Variants in XKR4 observed in about 807,000 individuals in gnomAD.
XKR4 encodes the protein XK-related protein 4.
In XKR4, 12 loss-of-function variants were observed where a neutral mutation model predicts 53.9. That is an observed-to-expected ratio of 0.22 (90% CI 0.14 to 0.36). XKR4 has a LOEUF of 0.36. Among genes scored for constraint, XKR4 ranks in the 10% least tolerant of loss-of-function variants. The pLI is 1.00. For missense variants in XKR4, 799 were observed against 859.5 expected, an observed-to-expected ratio of 0.93 and a Z score of 0.88; for synonymous variants, 354 against 362.4, an observed-to-expected ratio of 0.98 and a Z score of 0.26.
chr8:55,470,260 G>A (rs576475296), intron 2 of XKR4, among the ~76,000 whole-genome samples: 84 of 152,196 alleles, frequency 5.5e-4, no homozygotes, highest in Admixed American at 4.3e-3. Context: ...TACAAGACGA[G>A]GTGATATGGT....
chr8:55,214,505 C>CT (rs1395315854), intron 1 of XKR4, among the ~76,000 whole-genome samples: 2 of 152,126 alleles, frequency 1.3e-5, no homozygotes, highest in Non-Finnish European at 2.9e-5. Context: ...TTAATTTGTC[C>CT]TGAATGTCCA....
At chr8:55,228,676 G>A (rs1442571621) in intron 1 of XKR4, among the ~76,000 whole-genome samples, 1 of 152,102 alleles carries the variant, frequency 6.6e-6, no homozygotes, top group African/African-American at 2.4e-5. Context: ...ACCTTCACCC[G>A]CTTCTACAAA....
In XKR4 at chr8:55,536,735, C is replaced by T. The variant is rs1337461008; in HGVS notation, c.*12508C>T. 6.6e-6 allele frequency: 1 copy of T among 152,230 alleles called. No individual in the cohort carries two copies. Among genetic ancestry groups the T allele is most frequent in the Non-Finnish European group, 1.5e-5 (1 of 68,040 alleles). The allele number at this position is 152,230 out of a possible 1,614,324, so 9.4% of individuals were successfully genotyped here. A position where few individuals can be genotyped will look rare whatever the true frequency, so the allele number is the denominator to read the frequency against. ...ATGTTATTTAATTTTTATTTACTTTCAGCAAACACATGAATGAAAGAGGTC... is the reference window on the plus strand; with the variant it reads ...ATGTTATTTAATTTTTATTTACTTTTAGCAAACACATGAATGAAAGAGGTC... On this transcript the variant is annotated 3_prime_UTR_variant, in exon 3 of 3. Transcript: ENST00000327381.
At chr8:55,454,592 C>G in intron 2 of XKR4, 1 of 1,406,904 alleles carries the variant, frequency 7.1e-7, no homozygotes, top group Non-Finnish European at 9.8e-7. Flanking sequence ...ACCTGCCGGT[C>G]ACCAGCCCCC....
At chr8:55,455,766 AT>A in intron 2 of XKR4, among the ~76,000 whole-genome samples, 1 of 152,216 alleles carries the variant, frequency 6.6e-6, no homozygotes, top group East Asian at 1.9e-4. Context: ...AAGTAAGGCC[AT>A]GGCAGACTTG....
intron 2 of XKR4, among the ~76,000 whole-genome samples, chr8:55,399,287 G>T (rs535379421): frequency 6.6e-6 from 1 of 152,282 alleles, no homozygotes; most frequent in African/African-American, 2.4e-5. Flanking sequence ...GAAGATGAAT[G>T]TCTGCTATGG....
At chr8:55,235,261 T>G (rs1818103130) in intron 1 of XKR4, among the ~76,000 whole-genome samples, 1 of 152,204 alleles carries the variant, frequency 6.6e-6, no homozygotes, top group Non-Finnish European at 1.5e-5. Context: ...GGGCCCACCC[T>G]GATCCAGCGT....
intron 1 of XKR4, among the ~76,000 whole-genome samples, chr8:55,281,215 G>A (rs4430069): frequency 0.83 from 125,579 of 152,176 alleles, 52,835 homozygotes; most frequent in Non-Finnish European, 0.92. Context: ...AATTATTCAC[G>A]TATTTTAAAT....
chr8:55,237,525 T>G (rs949128044), intron 1 of XKR4, among the ~76,000 whole-genome samples: 6 of 152,128 alleles, frequency 3.9e-5, no homozygotes, highest in African/African-American at 1.4e-4. Context: ...CTTGAGAAGG[T>G]GAAGGAAGAG....
intron 1 of XKR4, among the ~76,000 whole-genome samples, chr8:55,353,292 G>T (rs1041064867): frequency 2.0e-5 from 3 of 152,128 alleles, no homozygotes; most frequent in Non-Finnish European, 1.5e-5. Flanking sequence ...GATCATTGGG[G>T]TGACTCCTAA....
chr8:55,110,018 A>T (rs1324686221), intron 1 of XKR4, among the ~76,000 whole-genome samples: 1 of 152,192 alleles, frequency 6.6e-6, no homozygotes, highest in Non-Finnish European at 1.5e-5. Context: ...GGCTAATCTG[A>T]TTAGTACATT....
intron 1 of XKR4, among the ~76,000 whole-genome samples, chr8:55,291,486 A>G (rs986463960): frequency 2.6e-5 from 4 of 152,182 alleles, no homozygotes; most frequent in Non-Finnish European, 4.4e-5. Context: ...GACTCTCCCA[A>G]TCCACCAATG....
intron 2 of XKR4, among the ~76,000 whole-genome samples, chr8:55,410,638 T>C (rs1440454299): frequency 6.6e-6 from 1 of 151,786 alleles, no homozygotes; most frequent in East Asian, 1.9e-4. Flanking sequence ...TCCCCATCCG[T>C]CCCCATTTGC....
intron 1 of XKR4, among the ~76,000 whole-genome samples, chr8:55,289,646 A>AAGGAAGG (rs1563316459): frequency 1.9e-3 from 166 of 86,996 alleles, no homozygotes; most frequent in African/African-American, 6.2e-3. Context: ...AGAAAGAAAG[A>AAGGAAGG]AAGGAAGGAA....
chr8:55,412,292 G>A (rs1176952826), intron 2 of XKR4, among the ~76,000 whole-genome samples: 1 of 152,190 alleles, frequency 6.6e-6, no homozygotes, highest in African/African-American at 2.4e-5. Flanking sequence ...GCTGCAGTGG[G>A]AGGGGACAAC....
At chr8:55,354,337 A>T (rs536810729) in intron 1 of XKR4, among the ~76,000 whole-genome samples, 2 of 152,194 alleles carry the variant, frequency 1.3e-5, no homozygotes, top group Non-Finnish European at 1.5e-5. Flanking sequence ...GGGTCCTTTA[A>T]TCCCATTAAC....
At chr8:55,321,263 T>C (rs909129945) in intron 1 of XKR4, among the ~76,000 whole-genome samples, 1 of 152,208 alleles carries the variant, frequency 6.6e-6, no homozygotes, top group African/African-American at 2.4e-5. Context: ...CTCTCTGTTA[T>C]TAAACTAAAC....
intron 1 of XKR4, among the ~76,000 whole-genome samples, chr8:55,131,082 C>T (rs977561610): frequency 6.6e-6 from 1 of 151,944 alleles, no homozygotes; most frequent in African/African-American, 2.4e-5. Context: ...TCACTTGAAC[C>T]CGGGAGGCGG....
chr8:55,450,542 C>T lies in XKR4; in HGVS notation c.1007-72739C>T, dbSNP rs1805422157. On this transcript the variant is annotated intron_variant, in intron 2 of 2. Transcript: ENST00000327381. ...AGAGTCCAGTAGGAAGGTCTAGAAA[C>T]AGCGGGACACGTGGTGGTAGCCGAG... 7.4e-6 allele frequency: 5 copies of T among 673,426 alleles called. No individual in the cohort carries two copies. The Admixed American group carries it at 1.0e-4, about 13-fold the overall frequency. The allele number at this position is 673,426 out of a possible 1,614,324, so 41.7% of individuals were successfully genotyped here.
Sources: allele counts gnomAD v4.1 joint callset (sites outside exome capture counted in the v4.1 genomes callset), GRCh38; gene constraint gnomAD v4.1.1; transcripts MANE v1.5; gene names NCBI Gene and HGNC (gene_info 2026-07-23, HGNC 2026-07-21).